The following SNX24 variants were observed in gnomAD, a reference collection of about 807,000 sequenced individuals.
SNX24 encodes the protein sorting nexin-24.
A neutral mutation model predicts 28.7 loss-of-function variants in SNX24; 22 were observed. That is an observed-to-expected ratio of 0.77 (90% confidence interval 0.55 to 1.10). SNX24 has a LOEUF of 1.10. SNX24 is among the 50% of genes least tolerant of loss of function. SNX24 has a pLI of 0.00. For missense variants in SNX24, 221 were observed against 201.1 expected, an observed-to-expected ratio of 1.10 and a Z score of -0.60; for synonymous variants, 69 against 71.5, an observed-to-expected ratio of 0.96 and a Z score of 0.18.
chr5:123,002,599 T>G (rs1762284545), intron 6 of SNX24, among the ~76,000 whole-genome samples: 1 of 152,198 alleles, frequency 6.6e-6, no homozygotes, highest in East Asian at 1.9e-4. Flanking sequence ...GCCACTGCAC[T>G]CCAGCCTGGG....
At chr5:122,953,812 G>A (rs1760075753) in intron 3 of SNX24, among the ~76,000 whole-genome samples, 3 of 152,256 alleles carry the variant, frequency 2.0e-5, no homozygotes, top group African/African-American at 7.2e-5. Flanking sequence ...GTAATTAAAT[G>A]TATAGTTAGT....
At chr5:123,000,261 T>C (rs1762201858) in intron 4 of SNX24, among the ~76,000 whole-genome samples, 1 of 152,256 alleles carries the variant, frequency 6.6e-6, no homozygotes. Flanking sequence ...TCAATTACAC[T>C]GTTACATAGA....
intron 1 of SNX24, among the ~76,000 whole-genome samples, chr5:122,846,918 C>G (rs992628168): frequency 5.3e-5 from 8 of 150,660 alleles, no homozygotes; most frequent in Middle Eastern, 3.5e-3. Flanking sequence ...CTGTATCTTC[C>G]TTAAAAACAA....
At chr5:122,897,958 C>T (rs1270522883) in intron 1 of SNX24, among the ~76,000 whole-genome samples, 2 of 152,166 alleles carry the variant, frequency 1.3e-5, no homozygotes, top group African/African-American at 4.8e-5. Context: ...GGTCACTTAA[C>T]TCATTTTCAG....
chr5:123,003,446 T>C (rs1762315494), intron 6 of SNX24, among the ~76,000 whole-genome samples: 1 of 152,056 alleles, frequency 6.6e-6, no homozygotes, highest in African/African-American at 2.4e-5. Context: ...CTAATATAGA[T>C]TAAATAGATA....
chr5:122,933,928 A>G (rs1448767978), intron 1 of SNX24, among the ~76,000 whole-genome samples: 6 of 151,416 alleles, frequency 4.0e-5, no homozygotes, highest in African/African-American at 1.5e-4. Context: ...GATTACAGGC[A>G]CGCACCACCA....
intron 1 of SNX24, among the ~76,000 whole-genome samples, chr5:122,850,732 G>C (rs1041961106): frequency 4.6e-5 from 7 of 150,904 alleles, no homozygotes; most frequent in Non-Finnish European, 7.4e-5. Flanking sequence ...TTGGAGTCTA[G>C]GGTGGATTTA....
chr5:122,913,292 G>A (rs1197965698), intron 1 of SNX24, among the ~76,000 whole-genome samples: 32 of 152,200 alleles, frequency 2.1e-4, no homozygotes, highest in Admixed American at 1.8e-3. Flanking sequence ...AGGGGCGGCC[G>A]GGCAGAGGCG....
rs373394858 is a variant in SNX24 at position 122,898,517 on chromosome 5, A to G, written c.61-38217A>G. Among the ~76,000 whole-genome samples the G allele has an allele frequency of 2.0e-5, 3 of 152,282 alleles. No homozygotes were observed. In the East Asian group the frequency reaches 5.8e-4, roughly 29 times the overall value. On this transcript the variant is annotated intron_variant, in intron 1 of 6. Coordinates refer to ENST00000261369, the MANE Select transcript of SNX24 (RefSeq NM_014035.4). ...TCAGAGGGTCTGGGCTCCAGCCACT[A>G]TGGCAGCACTCTGAGTTTGTGTATA...
At chr5:123,024,463 G>T (rs6862366) in intron 5 of SNX24, among the ~76,000 whole-genome samples, 3 of 152,008 alleles carry the variant, frequency 2.0e-5, no homozygotes, top group Non-Finnish European at 4.4e-5. Context: ...CTAGTTCTAG[G>T]TTTGTCCATT....
At chr5:122,918,927 A>G (rs1210230057) in intron 1 of SNX24, among the ~76,000 whole-genome samples, 1 of 152,234 alleles carries the variant, frequency 6.6e-6, no homozygotes, top group Non-Finnish European at 1.5e-5. Context: ...CCCATATACA[A>G]ATTTAAGTGT....
intron 1 of SNX24, among the ~76,000 whole-genome samples, chr5:122,846,163 G>A (rs985487290): frequency 2.0e-5 from 3 of 151,606 alleles, no homozygotes; most frequent in South Asian, 4.2e-4. Flanking sequence ...AACTAAACAC[G>A]TGTATTGATT....
intron 1 of SNX24, among the ~76,000 whole-genome samples, chr5:122,931,579 G>C (rs78158625): frequency 0.013 from 2,040 of 152,092 alleles, 41 homozygotes; most frequent in African/African-American, 0.032. Flanking sequence ...GGTGCATCTT[G>C]TTCTAATGAA....
chr5:122,937,622 A>G (rs945906478), intron 2 of SNX24, among the ~76,000 whole-genome samples: 2 of 152,178 alleles, frequency 1.3e-5, no homozygotes, highest in Non-Finnish European at 2.9e-5. Context: ...GATATTAGTG[A>G]GAGATTAGTG....
At chr5:122,935,125 G>T (rs1173421692) in intron 1 of SNX24, among the ~76,000 whole-genome samples, 1 of 152,140 alleles carries the variant, frequency 6.6e-6, no homozygotes, top group African/African-American at 2.4e-5. Flanking sequence ...CAAACAATAA[G>T]ACCCAGAACA....
chr5:122,854,818 A>G (rs1393428538), intron 1 of SNX24, among the ~76,000 whole-genome samples: 2 of 152,248 alleles, frequency 1.3e-5, no homozygotes, highest in African/African-American at 4.8e-5. Flanking sequence ...ATCTTAATAA[A>G]GCAAGTCACA....
intron 3 of SNX24, among the ~76,000 whole-genome samples, chr5:122,991,712 T>C (rs918616305): frequency 6.6e-6 from 1 of 152,094 alleles, no homozygotes; most frequent in Non-Finnish European, 1.5e-5. Context: ...CCACCCGCCT[T>C]GGCCTCCCAA....
chr5:122,980,805 A>G (rs1761361052), intron 3 of SNX24, among the ~76,000 whole-genome samples: 4 of 151,876 alleles, frequency 2.6e-5, no homozygotes, highest in Non-Finnish European at 5.9e-5. Context: ...AGTATTTGGC[A>G]TCAGCCTTGT....
chr5:122,995,568 C>A (rs1220547753), intron 3 of SNX24, among the ~76,000 whole-genome samples: 1 of 152,170 alleles, frequency 6.6e-6, no homozygotes. Flanking sequence ...TGCAGACCTA[C>A]AATTTGAGAC....
Sources: allele counts gnomAD v4.1 joint callset (sites outside exome capture counted in the v4.1 genomes callset), GRCh38; gene constraint gnomAD v4.1.1; transcripts MANE v1.5; gene names NCBI Gene and HGNC (gene_info 2026-07-23, HGNC 2026-07-21).